CELF2: variants seen among roughly 807,000 people sequenced by gnomAD.
The protein encoded by CELF2 is CUGBP Elav-like family member 2.
A neutral mutation model predicts 62.6 loss-of-function variants in CELF2; 8 were observed. The observed-to-expected ratio is 0.13, with a 90% CI of 0.07 to 0.23. CELF2 has a LOEUF of 0.23. Ranked by LOEUF, CELF2 falls within the 10% of genes least tolerant of loss-of-function variation. CELF2 has a pLI of 1.00. For synonymous variants in CELF2, 258 were observed against 250.0 expected (o/e 1.03, Z -0.30); for missense variants, 333 against 671.0 (o/e 0.50, Z 5.56).
At chr10:10,560,304 T>G in the CELF2 span, among the ~76,000 whole-genome samples, 1 of 152,218 alleles carries the variant, frequency 6.6e-6, no homozygotes, top group South Asian at 2.1e-4. Flanking sequence ...CAGCTTATTG[T>G]TGTTTGAAAT....
At chr10:11,058,877 C>T (rs935420364) in intron 1 of CELF2, among the ~76,000 whole-genome samples, 1 of 152,156 alleles carries the variant, frequency 6.6e-6, no homozygotes, top group African/African-American at 2.4e-5. Context: ...AGTTCCTGGC[C>T]TCAAGTGATC....
the CELF2 span, among the ~76,000 whole-genome samples, chr10:10,667,957 C>T: frequency 6.6e-6 from 1 of 152,138 alleles, no homozygotes; most frequent in African/African-American, 2.4e-5. Flanking sequence ...AAATTATGTG[C>T]CCCAAAGAGG....
chr10:11,157,388 C>T lies in CELF2; in HGVS notation c.75-8098C>T, dbSNP rs116510475. On this transcript the variant is annotated intron_variant, in intron 1 of 12. Coordinates refer to ENST00000633077, the MANE Select transcript of CELF2 (RefSeq NM_001326342.2). The surrounding 1 kb of genome is among the most constrained non-coding windows in gnomAD (Gnocchi z 4.9). ...GTCTTTTGACTTTGATATCCGCCCTCCCCCCACACACACACACACAAAAAT... is the reference window on the plus strand; with the variant it reads ...GTCTTTTGACTTTGATATCCGCCCTTCCCCCACACACACACACACAAAAAT... Among the ~76,000 whole-genome samples the T allele has an allele frequency of 8.3e-6, 1 of 120,866 alleles. No individual in the cohort carries two copies. Among genetic ancestry groups the T allele is most frequent in the African/African-American group, 3.2e-5 (1 of 31,516 alleles). 79.3% of individuals were successfully genotyped at this position (120,866 alleles called of 152,430 possible).
In CELF2 at chr10:11,223,316, G is replaced by T. The variant is rs1002678167; in HGVS notation, c.354+5809G>T. 1.3e-5 allele frequency among the ~76,000 whole-genome samples: 2 copies of T among 152,210 alleles called. No individual in the cohort carries two copies. Among genetic ancestry groups the T allele is most frequent in the African/African-American group, 4.8e-5 (2 of 41,452 alleles). ...TGTGTCTGCCTCCTCATTTGTGTAG[G>T]TGTGAACTCTCCTTGTGGAGCACCC... On this transcript the variant is annotated intron_variant, in intron 3 of 12. Coordinates refer to ENST00000633077, the MANE Select transcript of CELF2 (RefSeq NM_001326342.2). The surrounding 1 kb of genome is among the most constrained non-coding windows in gnomAD (Gnocchi z 5.1).
chr10:11,091,257 C>T (rs1268837936), intron 1 of CELF2, among the ~76,000 whole-genome samples: 2 of 152,180 alleles, frequency 1.3e-5, no homozygotes, highest in African/African-American at 4.8e-5. Flanking sequence ...GGCGTTGAGT[C>T]AACTGAGTAG....
chr10:11,069,116 T>C (rs1226220186), intron 1 of CELF2, among the ~76,000 whole-genome samples: 3 of 152,188 alleles, frequency 2.0e-5, no homozygotes, highest in Non-Finnish European at 4.4e-5. Context: ...TAGTGAAGTG[T>C]TATTATATTA....
chr10:10,699,260 C>T, the CELF2 span, among the ~76,000 whole-genome samples: 1 of 152,036 alleles, frequency 6.6e-6, no homozygotes, highest in Non-Finnish European at 1.5e-5. Flanking sequence ...TTTGAGGACA[C>T]CTCTAAGTTT....
intron 1 of CELF2, among the ~76,000 whole-genome samples, chr10:10,842,991 G>C (rs955238710): frequency 2.6e-5 from 4 of 152,010 alleles, no homozygotes; most frequent in African/African-American, 9.7e-5. Flanking sequence ...GGGCTATTCA[G>C]ATTGTCTGTT....
chr10:10,591,201 G>A, the CELF2 span, among the ~76,000 whole-genome samples: 1 of 151,972 alleles, frequency 6.6e-6, no homozygotes, highest in African/African-American at 2.4e-5. Flanking sequence ...GGAAAGAGAA[G>A]ATATATAGAA....
intron 1 of CELF2, among the ~76,000 whole-genome samples, chr10:10,882,185 T>C (rs1239073643): frequency 6.6e-6 from 1 of 152,244 alleles, no homozygotes; most frequent in Non-Finnish European, 1.5e-5. Flanking sequence ...GATTTCATTC[T>C]TGTAATCATG....
intron 1 of CELF2, among the ~76,000 whole-genome samples, chr10:11,094,997 G>A (rs1298770525): frequency 1.3e-5 from 2 of 152,094 alleles, no homozygotes; most frequent in East Asian, 1.9e-4. Flanking sequence ...TATATTTTTG[G>A]TAGAGTAATA....
At chr10:10,497,232 A>C in the CELF2 span, among the ~76,000 whole-genome samples, 132 of 151,642 alleles carry the variant, frequency 8.7e-4, no homozygotes, top group Admixed American at 1.8e-3. Context: ...AAATGACAGC[A>C]CCAAGGAAAA....
At chr10:11,257,909 G>A (rs571992529) in intron 5 of CELF2, 37 bp downstream of exon 5, 2 of 1,609,122 alleles carry the variant, frequency 1.2e-6, no homozygotes, top group South Asian at 1.1e-5. Context: ...CCCCTTCAGT[G>A]CTAATTGGAG....
chr10:10,732,974 G>T, the CELF2 span, among the ~76,000 whole-genome samples: 1 of 152,220 alleles, frequency 6.6e-6, no homozygotes, highest in African/African-American at 2.4e-5. Context: ...AACAGCTGCT[G>T]ATGTGAACTT....
upstream of CELF2, among the ~76,000 whole-genome samples, chr10:11,002,244 T>C (rs2054589675): frequency 6.6e-6 from 1 of 152,168 alleles, no homozygotes; most frequent in Non-Finnish European, 1.5e-5. This position sits in a 1 kb window ranked among gnomAD's most constrained non-coding sequence, Gnocchi z 4.4. Flanking sequence ...TAAGACTTAT[T>C]CACTACCACG....
chr10:11,275,874 CAGAACACA>C (rs909760656), intron 8 of CELF2, among the ~76,000 whole-genome samples: 38 of 152,284 alleles, frequency 2.5e-4, no homozygotes, highest in African/African-American at 8.2e-4. Context: ...CGCAATAAAT[CAGAACACA>C]GGTGCCCATT....
At position 11,165,482 on chromosome 10, in the gene CELF2, A is replaced by G; in HGVS notation, c.75-4A>G. The G allele has an allele frequency of 2.5e-6, 4 of 1,607,974 alleles. No homozygotes were observed. The highest frequency in any genetic ancestry group is 3.4e-6 in the Non-Finnish European group (4 of 1,177,188). On this transcript the variant is annotated splice_region_variant and splice_polypyrimidine_tract_variant and intron_variant, in intron 1 of 12. Coordinates refer to ENST00000633077, the MANE Select transcript of CELF2 (RefSeq NM_001326342.2). The surrounding 1 kb of genome is among the most constrained non-coding windows in gnomAD (Gnocchi z 7.4). ...ACTCTGGCTCCCGGTTCCGTTTTTGACAGTAACGGCACAGCCAACAAGATG... is the reference window on the plus strand; with the variant it reads ...ACTCTGGCTCCCGGTTCCGTTTTTGGCAGTAACGGCACAGCCAACAAGATG...
At chr10:11,074,061 G>C (rs1263311744) in intron 1 of CELF2, among the ~76,000 whole-genome samples, 2 of 152,128 alleles carry the variant, frequency 1.3e-5, no homozygotes, top group Non-Finnish European at 2.9e-5. Flanking sequence ...TAAATCCTTG[G>C]ACACATCAAG....
the CELF2 span, among the ~76,000 whole-genome samples, chr10:10,581,118 G>A: frequency 6.6e-6 from 1 of 152,198 alleles, no homozygotes; most frequent in Non-Finnish European, 1.5e-5. Flanking sequence ...TAGGATGTCA[G>A]TGTTTGCACA....
Sources: allele counts gnomAD v4.1 joint callset (sites outside exome capture counted in the v4.1 genomes callset), GRCh38; gene constraint gnomAD v4.1.1; non-coding constraint Gnocchi (gnomAD v3.1); transcripts MANE v1.5; gene names NCBI Gene and HGNC (gene_info 2026-07-23, HGNC 2026-07-21).